Variants in CDC73 observed in about 807,000 individuals in gnomAD.
CDC73 encodes the protein parafibromin.
CDC73 carries 21 observed loss-of-function variants against 83.7 expected under a neutral mutation model. That is an observed-to-expected ratio of 0.25 (90% confidence interval 0.18 to 0.36). The LOEUF is 0.36. CDC73 is among the 10% of genes least tolerant of loss of function. The probability of loss-of-function intolerance (pLI) is 1.00; values close to 1 mark genes in which losing one functional copy is unlikely to be tolerated. For missense variants in CDC73, 342 were observed against 653.3 expected (o/e 0.52, Z 5.19); for synonymous variants, 224 against 212.9 (o/e 1.05, Z -0.45).
At chr1:193,147,323 A>C (rs1335828118) in intron 7 of CDC73, among the ~76,000 whole-genome samples, 1 of 151,024 alleles carries the variant, frequency 6.6e-6, no homozygotes, top group Non-Finnish European at 1.5e-5. Context: ...TTCTGGTTAT[A>C]TATTTGAACA....
At chr1:193,234,575 C>G (rs1677726199) in intron 14 of CDC73, among the ~76,000 whole-genome samples, 1 of 151,974 alleles carries the variant, frequency 6.6e-6, no homozygotes, top group South Asian at 2.1e-4. Flanking sequence ...GGGTCTCCAG[C>G]CATTGAAGCC....
intron 10 of CDC73, among the ~76,000 whole-genome samples, chr1:193,161,655 T>G (rs1255380565): frequency 1.7e-5 from 1 of 60,194 alleles, no homozygotes; most frequent in Non-Finnish European, 2.9e-5. Context: ...TAATATATAA[T>G]ATATTATATA....
At chr1:193,224,307 T>C (rs1364234797) in intron 13 of CDC73, among the ~76,000 whole-genome samples, 1 of 151,508 alleles carries the variant, frequency 6.6e-6, no homozygotes, top group Admixed American at 6.6e-5. Context: ...GGGTCATAAT[T>C]TGTTAGTGTT....
intron 10 of CDC73, chr1:193,180,513 C>T: frequency 1.2e-6 from 2 of 1,614,016 alleles, no homozygotes; most frequent in South Asian, 2.2e-5. Context: ...CAATTCTCAA[C>T]TTGGCAAGAC....
chr1:193,132,122 G>T (rs936167848), intron 3 of CDC73, among the ~76,000 whole-genome samples: 1 of 152,008 alleles, frequency 6.6e-6, no homozygotes, highest in East Asian at 1.9e-4. Flanking sequence ...ACAACTATTG[G>T]GTCTTACTTT....
rs1244723788 is a variant in CDC73, at chr1:193,142,072, T to A, written c.729+6T>A. The A allele has an allele frequency of 6.3e-7, 1 of 1,599,460 alleles. No individual in the cohort carries two copies. Among genetic ancestry groups the A allele is most frequent in the Non-Finnish European group, 8.6e-7 (1 of 1,166,908 alleles). On this transcript the variant is annotated splice_donor_region_variant and intron_variant, in intron 7 of 16. Transcript: ENST00000367435. ...TCTTACAAAGCACAGGAAAGGTAAT[T>A]AAAATATTTTACTCATTCATTGGAG... is the stretch of plus-strand genomic sequence containing the variant.
rs1678091642 is a variant in CDC73, at chr1:193,254,048, T to A, written c.*3336T>A. On this transcript the variant is annotated 3_prime_UTR_variant, in exon 17 of 17. Coordinates refer to ENST00000367435, the MANE Select transcript of CDC73 (RefSeq NM_024529.5). ...ATAAAAGCTAGTCAAATTAATGGCT[T>A]AGAAAGTAGCTGTAAACTTTGTGTT... 4.5e-6 allele frequency: 1 copy of A among 223,988 alleles called. No homozygotes were observed. The highest frequency in any genetic ancestry group is 8.9e-6 in the Non-Finnish European group (1 of 112,512). 13.9% of individuals were successfully genotyped at this position (223,988 alleles called of 1,614,324 possible).
At chr1:193,215,885 C>G (rs1677359096) in intron 13 of CDC73, among the ~76,000 whole-genome samples, 1 of 152,122 alleles carries the variant, frequency 6.6e-6, no homozygotes, top group African/African-American at 2.4e-5. Flanking sequence ...CCACCATGCC[C>G]AGCCTCAAAA....
At chr1:193,150,257 G>A in intron 8 of CDC73, 47 bp from the exon 9 acceptor site, 2 of 1,328,070 alleles carry the variant, frequency 1.5e-6, no homozygotes, top group Non-Finnish European at 2.2e-6. Context: ...TTAAATAAGT[G>A]ACATTTAAAA....
At chr1:193,217,347 C>G (rs899122487) in intron 13 of CDC73, among the ~76,000 whole-genome samples, 16 of 152,170 alleles carry the variant, frequency 1.1e-4, no homozygotes, top group Non-Finnish European at 2.1e-4. Flanking sequence ...ATACTCTGCT[C>G]TATCGCAGAG....
intron 13 of CDC73, among the ~76,000 whole-genome samples, chr1:193,232,367 C>T (rs1311201123): frequency 4.6e-5 from 7 of 152,096 alleles, no homozygotes; most frequent in Non-Finnish European, 8.8e-5. Flanking sequence ...ATGAAGTTTT[C>T]CTCTAATAGA....
At chr1:193,211,571 G>A (rs1279769668) in intron 11 of CDC73, among the ~76,000 whole-genome samples, 4 of 152,082 alleles carry the variant, frequency 2.6e-5, no homozygotes, top group Non-Finnish European at 5.9e-5. Flanking sequence ...GAGGCCATTC[G>A]CAAGTAAAAC....
intron 2 of CDC73, chr1:193,127,714 C>T (rs1047797906): frequency 2.6e-5 from 4 of 151,932 alleles, no homozygotes; most frequent in Admixed American, 1.3e-4. Flanking sequence ...AAGTATTTGC[C>T]AGATTGAAAG....
intron 7 of CDC73, among the ~76,000 whole-genome samples, chr1:193,146,949 T>G (rs1002352196): frequency 3.3e-5 from 5 of 152,184 alleles, no homozygotes; most frequent in African/African-American, 1.2e-4. Context: ...TGATTATTTT[T>G]TTTTCTGAAC....
chr1:193,181,932 G>C (rs1047147779), intron 10 of CDC73, among the ~76,000 whole-genome samples: 1 of 152,054 alleles, frequency 6.6e-6, no homozygotes, highest in African/African-American at 2.4e-5. Context: ...TTGTTACACT[G>C]GTCATTTGTA....
At chr1:193,217,544 T>A (rs184772132) in intron 13 of CDC73, among the ~76,000 whole-genome samples, 1 of 152,146 alleles carries the variant, frequency 6.6e-6, no homozygotes, top group East Asian at 1.9e-4. Flanking sequence ...GGTGTGCTCT[T>A]GACCACCAAG....
chr1:193,202,012 C>G (rs1036725396), intron 10 of CDC73, among the ~76,000 whole-genome samples: 1 of 152,132 alleles, frequency 6.6e-6, no homozygotes. Flanking sequence ...TATATGCCTG[C>G]TCATTGTTTT....
intron 10 of CDC73, among the ~76,000 whole-genome samples, chr1:193,190,964 T>A (rs1676908400): frequency 1.3e-5 from 2 of 152,226 alleles, no homozygotes; most frequent in South Asian, 2.1e-4. Context: ...TCCAGTAGTG[T>A]GTGGGACAGT....
At chr1:193,138,797 C>T (rs186627563) in intron 6 of CDC73, among the ~76,000 whole-genome samples, 1,928 of 115,652 alleles carry the variant, frequency 0.017, 48 homozygotes, top group African/African-American at 0.06. Flanking sequence ...TTTTTGGAGA[C>T]GGAGTTTCAC....
Sources: gnomAD v4.1 joint callset for allele counts (sites outside exome capture counted in the v4.1 genomes callset) on GRCh38, gnomAD v4.1.1 for gene constraint, MANE v1.5 for transcripts, NCBI Gene and HGNC (gene_info 2026-07-23, HGNC 2026-07-21) for gene names.